The following FBXL19 variants were observed in gnomAD, a reference collection of about 807,000 sequenced individuals.
The protein encoded by FBXL19 is F-box and leucine rich repeat protein 19, also known as F-box/LRR-repeat protein 19.
A neutral mutation model predicts 71.2 loss-of-function variants in FBXL19; 16 were observed. That is an observed-to-expected ratio of 0.22 (90% confidence interval 0.15 to 0.34). The LOEUF is 0.34. Ranked by LOEUF, FBXL19 falls within the 10% of genes least tolerant of loss-of-function variation. The pLI, the probability that FBXL19 is intolerant of heterozygous loss-of-function variation, is 1.00. For synonymous variants in FBXL19, 447 were observed against 409.4 expected (o/e 1.09, Z -1.11); for missense variants, 658 against 968.2 (o/e 0.68, Z 4.25).
intron 9 of FBXL19, among the ~76,000 whole-genome samples, chr16:30,944,049 G>A (rs1567342210): frequency 6.6e-6 from 1 of 152,136 alleles, no homozygotes; most frequent in African/African-American, 2.4e-5. Flanking sequence ...TATGGGTGGG[G>A]GGTAAGGTGG....
At chr16:30,928,703 C>T in intron 6 of FBXL19, 75 bp downstream of exon 6, 1 of 1,337,842 alleles carries the variant, frequency 7.5e-7, no homozygotes, top group South Asian at 1.7e-5. Flanking sequence ...CAAGACCTGT[C>T]CCTTCCTGCT....
chr16:30,930,260 C>T lies in FBXL19; in HGVS notation c.977C>T (p.Ala326Val), dbSNP rs772721158. 1.6e-5 allele frequency: 26 copies of T among 1,612,660 alleles called. No homozygotes were observed. The highest frequency in any genetic ancestry group is 5.0e-5 in the Admixed American group (3 of 60,014). The change falls in exon 7 of 11, where the codon GCC becomes GTC. Residue 326 changes from alanine to valine, a missense_variant. By Grantham distance (64) the Ala-to-Val change is moderately conservative. Coordinates refer to ENST00000338343, the MANE Select transcript of FBXL19 (RefSeq NM_001382779.1). The surrounding 1 kb of genome is among the most constrained non-coding windows in gnomAD (Gnocchi z 8.5). ...SSGTSLSEDE[A>V]PGEARNGRRP... is the part of the protein sequence containing the mutation. ...GGCACATCGCTGAGTGAGGACGAAG[C>T]CCCCGGCGAGGCCCGGAATGGGCGA...
upstream of FBXL19, chr16:30,923,027 C>G (rs780548372): frequency 6.3e-5 from 29 of 456,906 alleles, no homozygotes; most frequent in Middle Eastern, 3.2e-4. Flanking sequence ...AGATCGACTA[C>G]TAGTCAGGTG....
chr16:30,926,188 G>A (rs2055588362), intron 2 of FBXL19, among the ~76,000 whole-genome samples: 1 of 152,146 alleles, frequency 6.6e-6, no homozygotes, highest in African/African-American at 2.4e-5. Flanking sequence ...CACCCCCGCA[G>A]AATGCCCAGC....
At chr16:30,940,594 G>A (rs2055792038) in intron 7 of FBXL19, among the ~76,000 whole-genome samples, 1 of 152,102 alleles carries the variant, frequency 6.6e-6, no homozygotes, top group South Asian at 2.1e-4. Context: ...CCTTGGGAGA[G>A]GTGGGGAAGG....
At chr16:30,940,414 T>A (rs1322793947) in intron 7 of FBXL19, among the ~76,000 whole-genome samples, 2 of 150,722 alleles carry the variant, frequency 1.3e-5, no homozygotes, top group African/African-American at 2.4e-5. Context: ...AGCAAGACAC[T>A]GTCTCAAGAA....
In FBXL19 at chr16:30,925,753, C is replaced by A; in HGVS notation, c.-2C>A. 1 of 1,486,676 alleles carries A rather than the reference C, an allele frequency of 6.7e-7. No homozygotes were observed. Among genetic ancestry groups the A allele is most frequent in the Non-Finnish European group, 8.9e-7 (1 of 1,124,154 alleles). 92.1% of individuals were successfully genotyped at this position (1,486,676 alleles called of 1,614,324 possible). A position where few individuals can be genotyped will look rare whatever the true frequency, so the allele number is the denominator to read the frequency against. On this transcript the variant is annotated 5_prime_UTR_variant, in exon 2 of 11. Coordinates refer to ENST00000338343, the MANE Select transcript of FBXL19 (RefSeq NM_001382779.1). The surrounding 1 kb of genome is among the most constrained non-coding windows in gnomAD (Gnocchi z 5.0). Reference sequence around the variant, plus strand: ...CAGCCCTCGGCGTTGCTGACGCCCCCAATGTCGTCGAGCAGCCGGGGGCCG... The same window carrying A: ...CAGCCCTCGGCGTTGCTGACGCCCCAAATGTCGTCGAGCAGCCGGGGGCCG...
Position 30,947,456 on chromosome 16 carries a change from C to T in FBXL19, c.*226C>T, listed in dbSNP as rs2055873015. On this transcript the variant is annotated 3_prime_UTR_variant, in exon 11 of 11. Transcript: ENST00000338343. The stretch of plus-strand genomic sequence containing the variant: ...TATGTCCTGCCCCTGCTACCTGCTT[C>T]ATTGTCCATCCCCTGGGGGAGTGGG... 1 of 566,828 alleles carries T rather than the reference C, an allele frequency of 1.8e-6. No individual in the cohort carries two copies. Among genetic ancestry groups the T allele is most frequent in the Non-Finnish European group, 3.1e-6 (1 of 317,522 alleles). 35.1% of individuals were successfully genotyped at this position (566,828 alleles called of 1,614,324 possible).
chr16:30,943,362 T>C (rs2055822505), intron 9 of FBXL19, among the ~76,000 whole-genome samples: 1 of 147,602 alleles, frequency 6.8e-6, no homozygotes, highest in African/African-American at 2.5e-5. Context: ...GCTAATTTTT[T>C]TGTAATTTTT....
chr16:30,924,717 C>T (rs767556633), intron 1 of FBXL19: 2 of 1,494,146 alleles, frequency 1.3e-6, no homozygotes, highest in Admixed American at 2.8e-5. Context: ...CGCTGGAGGG[C>T]CCCTTAGCCC....
chr16:30,938,087 A>G (rs1275154798), intron 7 of FBXL19, among the ~76,000 whole-genome samples: 1 of 152,036 alleles, frequency 6.6e-6, no homozygotes, highest in Non-Finnish European at 1.5e-5. Flanking sequence ...GTTGAGAGGA[A>G]GGAATCAGGA....
intron 7 of FBXL19, among the ~76,000 whole-genome samples, chr16:30,939,696 G>A (rs1483997096): frequency 1.3e-5 from 2 of 151,944 alleles, no homozygotes; most frequent in Non-Finnish European, 2.9e-5. Context: ...GGGATTACAC[G>A]CATGAGCCAC....
intron 5 of FBXL19, 23 bp from the exon 6 acceptor site, chr16:30,928,444 A>G (rs751235862): frequency 3.2e-6 from 5 of 1,540,348 alleles, no homozygotes; most frequent in East Asian, 2.4e-5. Context: ...CCCTTCCTCC[A>G]TATCTCCCTC....
At chr16:30,934,668 A>G (rs1452254859) in intron 7 of FBXL19, among the ~76,000 whole-genome samples, 1 of 151,554 alleles carries the variant, frequency 6.6e-6, no homozygotes. Context: ...AAAAAAAAAA[A>G]TGTGGAATGG....
Position 30,948,505 on chromosome 16 carries a change from C to A in FBXL19, c.*1275C>A, listed in dbSNP as rs1775952136. On this transcript the variant is annotated 3_prime_UTR_variant, in exon 11 of 11. Transcript: ENST00000338343. ...AGCCGGGCCAGGTCCCGCCCCTCCG[C>A]GCAGGCCTCCGGGGGGCCGGGGCTT... 1 of 150,880 alleles carries A rather than the reference C, an allele frequency of 6.6e-6. No homozygotes were observed. Among genetic ancestry groups the A allele is most frequent in the African/African-American group, 2.4e-5 (1 of 41,036 alleles). 9.3% of individuals were successfully genotyped at this position (150,880 alleles called of 1,614,324 possible). A position where few individuals can be genotyped will look rare whatever the true frequency, so the allele number is the denominator to read the frequency against.
At chr16:30,935,730 C>T (rs955779261) in intron 7 of FBXL19, among the ~76,000 whole-genome samples, 3 of 152,042 alleles carry the variant, frequency 2.0e-5, no homozygotes, top group East Asian at 1.9e-4. Context: ...TCCCTGTTCC[C>T]GGGGGCTTCT....
Position 30,948,033 on chromosome 16 carries a change from T to G in FBXL19, c.*803T>G. On this transcript the variant is annotated 3_prime_UTR_variant, in exon 11 of 11. Transcript: ENST00000338343. ...ACATTCATCTGTACTGAAGTGTTAC[T>G]TGAACCGGGGGAATCTCGGACCTGG... 3.5e-6 allele frequency: 1 copy of G among 284,380 alleles called. No homozygotes were observed. Among genetic ancestry groups the G allele is most frequent in the Non-Finnish European group, 7.1e-6 (1 of 140,148 alleles). The allele number at this position is 284,380 out of a possible 1,614,324, so 17.6% of individuals were successfully genotyped here. A position where few individuals can be genotyped will look rare whatever the true frequency, so the allele number is the denominator to read the frequency against.
chr16:30,928,033 G>C, intron 5 of FBXL19, 70 bp downstream of exon 5: 1 of 1,050,902 alleles, frequency 9.5e-7, no homozygotes, highest in Non-Finnish European at 1.4e-6. Context: ...GGCTGGTTCT[G>C]TGGGGCTGTG....
rs2055872470 is a variant in FBXL19 at position 30,947,404 on chromosome 16, C to T, written c.*174C>T. On this transcript the variant is annotated 3_prime_UTR_variant, in exon 11 of 11. Coordinates refer to ENST00000338343, the MANE Select transcript of FBXL19 (RefSeq NM_001382779.1). ...GCCACCCCCTTCTTTCCCCCCTGCA[C>T]TGATATCTCTGGGGGTTTCTCCTTC... 1.7e-6 allele frequency: 1 copy of T among 600,976 alleles called. No individual in the cohort carries two copies. Among genetic ancestry groups the T allele is most frequent in the Non-Finnish European group, 3.0e-6 (1 of 338,770 alleles). The allele number at this position is 600,976 out of a possible 1,614,324, so 37.2% of individuals were successfully genotyped here.
Sources: gnomAD v4.1 joint callset for allele counts (sites outside exome capture counted in the v4.1 genomes callset) on GRCh38, gnomAD v4.1.1 for gene constraint, Gnocchi (gnomAD v3.1) non-coding constraint, MANE v1.5 for transcripts, NCBI Gene and HGNC (gene_info 2026-07-23, HGNC 2026-07-21) for gene names.